ABCA1: variants seen among roughly 807,000 people sequenced by gnomAD.
ABCA1 encodes phospholipid-transporting ATPase ABCA1.
Under a neutral mutation model 262.5 loss-of-function variants are expected in ABCA1, and 133 were observed. The observed-to-expected ratio is 0.51, with a 90% CI of 0.44 to 0.59. The LOEUF (loss-of-function observed/expected upper bound fraction) is 0.59. Among genes scored for constraint, ABCA1 ranks in the 20% least tolerant of loss-of-function variants. The probability of loss-of-function intolerance (pLI) is 0.00; values close to 1 mark genes in which losing one functional copy is unlikely to be tolerated. For missense variants in ABCA1, 2,452 were observed against 2,777.5 expected (o/e 0.88, Z 2.63); for synonymous variants, 1,022 against 1,043.5 (o/e 0.98, Z 0.40).
At chr9:104,869,876 A>G (rs10991387) in intron 5 of ABCA1, among the ~76,000 whole-genome samples, 5,396 of 152,104 alleles carry the variant, frequency 0.035, 356 homozygotes, top group African/African-American at 0.12. Context: ...CTGAGCCTCC[A>G]TTTTTCTGTA....
chr9:104,860,740 T>C (rs1406724668), intron 6 of ABCA1, among the ~76,000 whole-genome samples: 1 of 150,894 alleles, frequency 6.6e-6, no homozygotes, highest in African/African-American at 2.5e-5. Context: ...TATTATTTCC[T>C]GATTTTATAA....
chr9:104,798,762 G>A (rs914393489), intron 36 of ABCA1, among the ~76,000 whole-genome samples, 164 bp from the exon 37 acceptor site: 5 of 152,030 alleles, frequency 3.3e-5, no homozygotes, highest in African/African-American at 1.2e-4. Flanking sequence ...TTTTATTCAG[G>A]GTTAAGATGA....
chr9:104,855,227 C>CAGA, intron 7 of ABCA1: 1 of 869,146 alleles, frequency 1.2e-6, no homozygotes, highest in Non-Finnish European at 1.4e-6. Flanking sequence ...GACAGAGTCT[C>CAGA]ACTCTGTCAC....
At chr9:104,880,915 C>T (rs1564235954) in intron 5 of ABCA1, among the ~76,000 whole-genome samples, 2 of 152,086 alleles carry the variant, frequency 1.3e-5, no homozygotes, top group African/African-American at 2.4e-5. Flanking sequence ...CTTTGGAAGG[C>T]CTAGGCGGGC....
At chr9:104,856,373 A>G (rs564211347) in intron 7 of ABCA1, among the ~76,000 whole-genome samples, 3 of 152,308 alleles carry the variant, frequency 2.0e-5, no homozygotes, top group African/African-American at 7.2e-5. Flanking sequence ...TGAGTGCTCC[A>G]CAAACCCGAG....
At chr9:104,823,782 G>A (rs1358495506) in intron 18 of ABCA1, among the ~76,000 whole-genome samples, 2 of 152,162 alleles carry the variant, frequency 1.3e-5, no homozygotes, top group Non-Finnish European at 2.9e-5. Context: ...GGAGCTAGGT[G>A]TAAAGAGGAG....
At chr9:104,862,381 G>A (rs1044154966) in intron 5 of ABCA1, among the ~76,000 whole-genome samples, 5 of 151,934 alleles carry the variant, frequency 3.3e-5, no homozygotes, top group Non-Finnish European at 7.4e-5. Flanking sequence ...AGTGCTGACA[G>A]TACAGGCGTG....
At chr9:104,926,200 C>T (rs1056228953) in intron 1 of ABCA1, among the ~76,000 whole-genome samples, 5 of 151,968 alleles carry the variant, frequency 3.3e-5, no homozygotes, top group Non-Finnish European at 5.9e-5. Flanking sequence ...GTATATACTA[C>T]CCATTCTCTT....
intron 13 of ABCA1, 43 bp from the exon 14 acceptor site, chr9:104,831,144 T>C (rs746478281): frequency 1.9e-5 from 17 of 900,038 alleles, no homozygotes; most frequent in Admixed American, 3.9e-5. Context: ...TTTAGAACCA[T>C]ACAATAAAAA....
chr9:104,840,613 T>A, intron 8 of ABCA1, 94 bp from the exon 9 acceptor site: 1 of 1,244,294 alleles, frequency 8.0e-7, no homozygotes, highest in Non-Finnish European at 1.1e-6. Flanking sequence ...AACATCTTAT[T>A]TTCTTGACCT....
chr9:104,926,766 G>C (rs1483302420), intron 1 of ABCA1, among the ~76,000 whole-genome samples: 1 of 152,224 alleles, frequency 6.6e-6, no homozygotes, highest in East Asian at 1.9e-4. Context: ...CACCACCTCG[G>C]CCCAGCTTCC....
Position 104,840,340 on chromosome 9 carries a change from T to A in ABCA1, c.993A>T (p.Lys331Asn), listed in dbSNP as rs1367243581. 1 of 1,614,156 alleles carries A rather than the reference T, an allele frequency of 6.2e-7. No individual in the cohort carries two copies. Among genetic ancestry groups the A allele is most frequent in the Non-Finnish European group, 8.5e-7 (1 of 1,180,034 alleles). Residue 331 changes from lysine (K) to asparagine (N), a missense_variant, in exon 9 of 50, where the codon AAA becomes AAT. By Grantham distance (94) the Lys-to-Asn change is moderately conservative (BLOSUM62 0). Coordinates refer to ENST00000374736, the MANE Select transcript of ABCA1 (RefSeq NM_005502.4). ...CAGTGCCATTGCCTCCAAAGAGGGC[T>A]TTGTAGTTGTTGTCCTCATACCAGT... ...SLNWYEDNNY[K>N]ALFGGNGTEE...
Position 104,814,206 on chromosome 9 carries a change from G to A in ABCA1, c.3813C>T (p.Asn1271=). Residue 1271 remains asparagine (N), a synonymous_variant, in exon 27 of 50, where the codon AAC becomes AAT. Transcript: ENST00000374736. ...TCTGCTTGTCCCCGAAGGCCCGCCT[G>A]TTTCGTCTTGCTGGCAAGGTACCAT... ...TSDGTLPARR[N]RRAFGDKQSC... 4 of 1,614,242 alleles carry A rather than the reference G, an allele frequency of 2.5e-6. No individual in the cohort carries two copies. Among genetic ancestry groups the A allele is most frequent in the Non-Finnish European group, 3.4e-6 (4 of 1,180,046 alleles).
intron 7 of ABCA1, among the ~76,000 whole-genome samples, chr9:104,852,761 G>A (rs1305908810): frequency 1.3e-5 from 2 of 152,148 alleles, no homozygotes; most frequent in African/African-American, 4.8e-5. Flanking sequence ...AAGTAAACAG[G>A]TGGGCAGTCA....
intron 5 of ABCA1, among the ~76,000 whole-genome samples, chr9:104,874,814 G>A (rs1463500365): frequency 1.4e-5 from 2 of 140,936 alleles, no homozygotes; most frequent in Non-Finnish European, 3.0e-5. Context: ...GCCCCGTCCG[G>A]GAGGGAGGTG....
intron 5 of ABCA1, among the ~76,000 whole-genome samples, chr9:104,872,380 G>C (rs113354132): frequency 4.6e-5 from 7 of 152,282 alleles, no homozygotes; most frequent in Admixed American, 1.3e-4. Context: ...CTCAAAAGCT[G>C]GGGATGGCAC....
At chr9:104,856,971 G>A (rs1290553208) in intron 7 of ABCA1, among the ~76,000 whole-genome samples, 1 of 152,120 alleles carries the variant, frequency 6.6e-6, no homozygotes, top group Non-Finnish European at 1.5e-5. Context: ...GTTACTTAGG[G>A]TTGCAAAGAT....
At chr9:104,862,630 CTGCCGGGCCGGGCCG>C (rs1387698576) in intron 5 of ABCA1, among the ~76,000 whole-genome samples, 1 of 90,348 alleles carries the variant, frequency 1.1e-5, no homozygotes, top group African/African-American at 4.4e-5. Context: ...AAAATGCAGA[CTGCCGGGCCGGGCCG>C]GGCCGGGCCG....
At chr9:104,879,903 A>G (rs538433323) in intron 5 of ABCA1, among the ~76,000 whole-genome samples, 1 of 152,336 alleles carries the variant, frequency 6.6e-6, no homozygotes, top group South Asian at 2.1e-4. Context: ...GAGGAAAAAC[A>G]TTCCATAAGA....
Sources: allele counts gnomAD v4.1 joint callset (sites outside exome capture counted in the v4.1 genomes callset), GRCh38; gene constraint gnomAD v4.1.1; transcripts MANE v1.5; gene names NCBI Gene and HGNC (gene_info 2026-07-23, HGNC 2026-07-21).